FHIT: variants seen among roughly 807,000 people sequenced by gnomAD.
FHIT encodes bis(5'-adenosyl)-triphosphatase.
A neutral mutation model predicts 17.9 loss-of-function variants in FHIT; 19 were observed. That is an observed-to-expected ratio of 1.06 (90% CI 0.74 to 1.56). FHIT has a LOEUF of 1.56. FHIT is among the 40% of genes most tolerant of loss of function. The probability of loss-of-function intolerance (pLI) is 0.00; values close to 1 mark genes in which losing one functional copy is unlikely to be tolerated. For synonymous variants in FHIT, 81 were observed against 69.7 expected (o/e 1.16, Z -0.81); for missense variants, 248 against 189.2 (o/e 1.31, Z -1.82).
At chr3:60,631,643 C>T (rs1156556070) in intron 4 of FHIT, among the ~76,000 whole-genome samples, 1 of 152,184 alleles carries the variant, frequency 6.6e-6, no homozygotes, top group Non-Finnish European at 1.5e-5. Flanking sequence ...TCCGGAGGCA[C>T]TGTCTAATTC....
intron 3 of FHIT, among the ~76,000 whole-genome samples, chr3:60,874,543 C>G (rs1344928978): frequency 6.6e-6 from 1 of 152,168 alleles, no homozygotes; most frequent in Non-Finnish European, 1.5e-5. Context: ...TTACCTTTAT[C>G]TACTTTCTAC....
chr3:61,010,267 G>A lies in FHIT; in HGVS notation c.-111+31780C>T, dbSNP rs142470763. Among the ~76,000 whole-genome samples the A allele has an allele frequency of 4.0e-5, 6 of 151,010 alleles. No individual in the cohort carries two copies. In the East Asian group the frequency reaches 9.7e-4, roughly 25 times the overall value. ...TTGGATCTGGGGTGATCTTATATTT[G>A]TATCAAACTGTAAATACATTTAACT... On this transcript the variant is annotated intron_variant, in intron 3 of 9. Coordinates refer to ENST00000492590, the MANE Select transcript of FHIT (RefSeq NM_002012.4).
intron 2 of FHIT, among the ~76,000 whole-genome samples, chr3:61,159,616 CAT>C (rs1252666970): frequency 2.0e-5 from 3 of 152,178 alleles, no homozygotes; most frequent in Non-Finnish European, 4.4e-5. Flanking sequence ...ATTCATTTAA[CAT>C]TATTAAATGT....
chr3:59,976,530 T>G (rs1290283563), intron 7 of FHIT, among the ~76,000 whole-genome samples: 1 of 151,286 alleles, frequency 6.6e-6, no homozygotes, highest in Non-Finnish European at 1.5e-5. Context: ...CATGGAGGGG[T>G]CATAAGGAAA....
At chr3:60,761,301 G>A (rs1342783423) in intron 4 of FHIT, among the ~76,000 whole-genome samples, 1 of 152,178 alleles carries the variant, frequency 6.6e-6, no homozygotes, top group Non-Finnish European at 1.5e-5. Flanking sequence ...ACAGAATGGG[G>A]TGTTACAGAT....
At chr3:61,185,684 T>C (rs571509773) in intron 2 of FHIT, among the ~76,000 whole-genome samples, 4 of 152,140 alleles carry the variant, frequency 2.6e-5, no homozygotes, top group Non-Finnish European at 5.9e-5. Context: ...CAATATAATG[T>C]TGAATGGAAA....
chr3:60,742,378 G>A (rs571200787), intron 4 of FHIT, among the ~76,000 whole-genome samples: 186 of 152,244 alleles, frequency 1.2e-3, no homozygotes, highest in Middle Eastern at 3.4e-3. Context: ...TGCCCACATA[G>A]AAAGCAGGGG....
chr3:60,075,137 G>C (rs189623444), intron 5 of FHIT, among the ~76,000 whole-genome samples: 2 of 152,176 alleles, frequency 1.3e-5, no homozygotes, highest in African/African-American at 2.4e-5. Context: ...CAACATATAT[G>C]CGTCACACAC....
chr3:61,044,238 A>C (rs2033671518), intron 2 of FHIT, among the ~76,000 whole-genome samples: 1 of 152,194 alleles, frequency 6.6e-6, no homozygotes, highest in African/African-American at 2.4e-5. Flanking sequence ...ACCTTGAAAA[A>C]AGATTACATG....
At chr3:60,222,618 G>A (rs36105967) in intron 5 of FHIT, among the ~76,000 whole-genome samples, 12,999 of 151,974 alleles carry the variant, frequency 0.086, 673 homozygotes, top group South Asian at 0.14. Flanking sequence ...ATGAAACCCC[G>A]TCTCTACTAA....
chr3:60,581,256 A>G (rs2037740362), intron 4 of FHIT, among the ~76,000 whole-genome samples: 1 of 152,154 alleles, frequency 6.6e-6, no homozygotes, highest in African/African-American at 2.4e-5. Context: ...GTTTTCAGGT[A>G]AGAAAATGGA....
chr3:60,171,632 C>A (rs908004540), intron 5 of FHIT, among the ~76,000 whole-genome samples: 2 of 152,078 alleles, frequency 1.3e-5, no homozygotes, highest in African/African-American at 4.8e-5. Flanking sequence ...GCCTTCTATT[C>A]TTGGAATTTT....
chr3:60,008,316 G>C (rs138158461), intron 7 of FHIT, among the ~76,000 whole-genome samples: 1 of 151,958 alleles, frequency 6.6e-6, no homozygotes, highest in Non-Finnish European at 1.5e-5. Context: ...TGGATGGCAG[G>C]GTTCTACTCC....
chr3:60,442,921 C>T lies in FHIT; in HGVS notation c.103+93939G>A, dbSNP rs957957379. 5.3e-5 allele frequency among the ~76,000 whole-genome samples: 8 copies of T among 152,154 alleles called. No individual in the cohort carries two copies. The East Asian group carries it at 7.7e-4, about 15-fold the overall frequency. On this transcript the variant is annotated intron_variant, in intron 5 of 9. Coordinates refer to ENST00000492590, the MANE Select transcript of FHIT (RefSeq NM_002012.4). ...TACCCATGAGCATGGAATGTTCTTC[C>T]ATTTGTTTGTATCCTCTTTTATTTC...
chr3:60,124,005 T>TAGAG (rs1559653665), intron 5 of FHIT, among the ~76,000 whole-genome samples: 23 of 20,912 alleles, frequency 1.1e-3, no homozygotes, highest in Non-Finnish European at 1.5e-3. Context: ...TATATATATA[T>TAGAG]ATATAGAGAG....
At chr3:60,568,471 G>C (rs2856008) in intron 4 of FHIT, among the ~76,000 whole-genome samples, 5 of 150,302 alleles carry the variant, frequency 3.3e-5, no homozygotes, top group Admixed American at 2.0e-4. Context: ...GTGGAGGGAG[G>C]GGGGAGGGAT....
intron 5 of FHIT, among the ~76,000 whole-genome samples, chr3:60,369,403 C>T (rs1700234193): frequency 6.6e-6 from 1 of 152,152 alleles, no homozygotes; most frequent in Non-Finnish European, 1.5e-5. Context: ...GCTATGGTAA[C>T]TCTAATATCT....
intron 2 of FHIT, among the ~76,000 whole-genome samples, chr3:61,152,270 A>C (rs994439147): frequency 6.6e-6 from 1 of 152,212 alleles, no homozygotes; most frequent in African/African-American, 2.4e-5. Context: ...GAATCCTCAG[A>C]GATAACAGAG....
intron 7 of FHIT, among the ~76,000 whole-genome samples, chr3:59,947,264 A>G (rs576286414): frequency 7.2e-5 from 11 of 152,282 alleles, no homozygotes; most frequent in Admixed American, 2.0e-4. Context: ...CCAGAAATTT[A>G]TCCACTTCTT....
Sources: gnomAD v4.1 joint callset for allele counts (sites outside exome capture counted in the v4.1 genomes callset) on GRCh38, gnomAD v4.1.1 for gene constraint, MANE v1.5 for transcripts, NCBI Gene and HGNC (gene_info 2026-07-23, HGNC 2026-07-21) for gene names.